RANBP17: variants seen among roughly 807,000 people sequenced by gnomAD.
RANBP17 encodes ran-binding protein 17.
A neutral mutation model predicts 141.2 loss-of-function variants in RANBP17; 158 were observed. That is an observed-to-expected ratio of 1.12 (90% CI 0.98 to 1.28). The LOEUF (loss-of-function observed/expected upper bound fraction) is 1.28. Among genes scored for constraint, RANBP17 ranks in the 50% most tolerant of loss-of-function variants. RANBP17 has a pLI of 0.00. For missense variants in RANBP17, 1,438 were observed against 1,290.7 expected (o/e 1.11, Z -1.75); for synonymous variants, 430 against 450.0 (o/e 0.96, Z 0.56).
Position 171,227,727 on chromosome 5 carries a change from G to C in RANBP17, c.2422+5887G>C, listed in dbSNP as rs369827633. On this transcript the variant is annotated intron_variant, in intron 22 of 27. Transcript: ENST00000523189. ...TGCTTGGCTTCAAAGGACAGACTGA[G>C]TCTCTTGTTAGGGGTTAATGCTGAC... Among the ~76,000 whole-genome samples, 250 of 152,314 alleles carry C rather than the reference G, an allele frequency of 1.6e-3. 9 individuals are homozygous for C. The South Asian group carries it at 0.039, about 24-fold the overall frequency.
intron 1 of RANBP17, among the ~76,000 whole-genome samples, chr5:170,873,416 A>G (rs752955886): frequency 1.3e-5 from 2 of 152,212 alleles, no homozygotes; most frequent in Non-Finnish European, 2.9e-5. Context: ...AGTTTCAGAA[A>G]GAATGGTATC....
At position 171,299,947 on chromosome 5, in the gene RANBP17, G is replaced by T. The variant is rs1464601099; in HGVS notation, c.*1089G>T. The T allele has an allele frequency of 5.1e-6, 1 of 196,302 alleles. No homozygotes were observed. The highest frequency in any genetic ancestry group is 8.0e-5 in the East Asian group (1 of 12,528). The allele number at this position is 196,302 out of a possible 1,614,324, so 12.2% of individuals were successfully genotyped here. A position where few individuals can be genotyped will look rare whatever the true frequency, so the allele number is the denominator to read the frequency against. On this transcript the variant is annotated 3_prime_UTR_variant, in exon 28 of 28. Transcript: ENST00000523189. ...AACAAATATTGTATCCTTTATTTCT[G>T]ATAAGACATGAAAGGTTGGCCTTAC...
intron 3 of RANBP17, among the ~76,000 whole-genome samples, chr5:170,891,953 A>G (rs894868677): frequency 2.6e-5 from 4 of 152,198 alleles, no homozygotes; most frequent in African/African-American, 9.7e-5. Flanking sequence ...TCCCTAATAT[A>G]TCAAATGCAT....
At chr5:171,113,958 CTAATT>C (rs1210950135) in intron 14 of RANBP17, among the ~76,000 whole-genome samples, 1 of 152,132 alleles carries the variant, frequency 6.6e-6, no homozygotes, top group Non-Finnish European at 1.5e-5. Flanking sequence ...CAGCACCACT[CTAATT>C]TAAAAAGGCT....
chr5:171,009,933 T>G (rs534768654), intron 14 of RANBP17, among the ~76,000 whole-genome samples: 22 of 152,300 alleles, frequency 1.4e-4, no homozygotes, highest in Non-Finnish European at 2.4e-4. Flanking sequence ...TTTATCTGAC[T>G]TATTCTTTAA....
intron 14 of RANBP17, among the ~76,000 whole-genome samples, chr5:171,084,289 A>G (rs1445578233): frequency 6.8e-6 from 1 of 146,854 alleles, no homozygotes; most frequent in African/African-American, 2.5e-5. Context: ...AAGGACATGA[A>G]CTCATCATTT....
intron 18 of RANBP17, among the ~76,000 whole-genome samples, chr5:171,188,286 C>G (rs17680273): frequency 0.068 from 10,354 of 152,290 alleles, 479 homozygotes; most frequent in African/African-American, 0.12. Context: ...TTAGGCAAGT[C>G]GGAGATGTAA....
intron 14 of RANBP17, among the ~76,000 whole-genome samples, chr5:171,093,185 G>A (rs1368141049): frequency 6.7e-6 from 1 of 149,426 alleles, no homozygotes; most frequent in African/African-American, 2.5e-5. Context: ...ACTCCAGACT[G>A]GACAATAGCA....
intron 24 of RANBP17, among the ~76,000 whole-genome samples, chr5:171,253,373 AAC>A (rs1418420335): frequency 6.6e-6 from 1 of 152,224 alleles, no homozygotes; most frequent in Non-Finnish European, 1.5e-5. Flanking sequence ...GATGATGTTG[AAC>A]ACACTGCATA....
At position 171,242,725 on chromosome 5, in the gene RANBP17, G is replaced by A. The variant is rs938062641; in HGVS notation, c.2681G>A (p.Cys894Tyr). The A allele has an allele frequency of 1.2e-6, 2 of 1,613,712 alleles. No homozygotes were observed. The highest frequency in any genetic ancestry group is 1.7e-5 in the Admixed American group (1 of 60,002). ...LSQSYYPLLE[C>Y]LTQDHMSFII... Reference sequence around the variant, plus strand: ...CAGTCTTATTATCCACTCCTGGAATGTCTCACTCAGGACCATATGAGCTTC... The same window carrying A: ...CAGTCTTATTATCCACTCCTGGAATATCTCACTCAGGACCATATGAGCTTC... The change falls in exon 24 of 28, where the codon TGT becomes TAT. Residue 894 changes from cysteine to tyrosine, a missense_variant. Transcript: ENST00000523189.
Position 171,211,964 on chromosome 5 carries a change from A to G in RANBP17, c.2232-1667A>G, listed in dbSNP as rs142742811. Among the ~76,000 whole-genome samples, 577 of 152,306 alleles carry G rather than the reference A, an allele frequency of 3.8e-3. 2 individuals are homozygous for G. The highest frequency in any genetic ancestry group is 0.013 in the African/African-American group (526 of 41,568). Reference sequence around the variant, plus strand: ...TTTATAGCAACAAGTATGTATTGAAATCTATTTTGTGTCAGGCCATGCATT... The same window carrying G: ...TTTATAGCAACAAGTATGTATTGAAGTCTATTTTGTGTCAGGCCATGCATT... On this transcript the variant is annotated intron_variant, in intron 20 of 27. Coordinates refer to ENST00000523189, the MANE Select transcript of RANBP17 (RefSeq NM_022897.5).
chr5:170,883,517 T>G (rs886378079), intron 3 of RANBP17, among the ~76,000 whole-genome samples: 6 of 152,246 alleles, frequency 3.9e-5, no homozygotes, highest in African/African-American at 1.2e-4. Flanking sequence ...TTGACAAATG[T>G]GTTAATACAA....
intron 2 of RANBP17, among the ~76,000 whole-genome samples, chr5:170,880,569 A>G (rs1581038706): frequency 1.3e-5 from 2 of 152,300 alleles, no homozygotes; most frequent in East Asian, 3.9e-4. Flanking sequence ...ATGATGAGAT[A>G]TCCAATTTTC....
At chr5:170,895,421 T>A (rs927014667) in intron 4 of RANBP17, among the ~76,000 whole-genome samples, 16 of 152,196 alleles carry the variant, frequency 1.1e-4, no homozygotes, top group African/African-American at 3.6e-4. Context: ...AAATTTGAGA[T>A]TAAATTGGAA....
intron 14 of RANBP17, among the ~76,000 whole-genome samples, chr5:171,064,022 A>C (rs147110079): frequency 8.5e-5 from 13 of 152,256 alleles, no homozygotes; most frequent in Admixed American, 4.6e-4. Flanking sequence ...GGAAAAGCGC[A>C]GTATTAGTGT....
chr5:170,964,995 C>A (rs10075689), intron 13 of RANBP17, among the ~76,000 whole-genome samples: 92,713 of 151,928 alleles, frequency 0.61, 29,667 homozygotes, highest in South Asian at 0.89. Flanking sequence ...AATGGTTGAA[C>A]TAGTTTACAG....
chr5:171,038,262 T>C (rs568118656), intron 14 of RANBP17, among the ~76,000 whole-genome samples: 1 of 152,172 alleles, frequency 6.6e-6, no homozygotes, highest in East Asian at 1.9e-4. Flanking sequence ...ATATTATTGG[T>C]ATATAGAAAT....
intron 14 of RANBP17, among the ~76,000 whole-genome samples, chr5:170,986,978 A>G (rs571516762): frequency 2.0e-5 from 3 of 151,956 alleles, no homozygotes; most frequent in African/African-American, 7.2e-5. Flanking sequence ...GTTTCATGGT[A>G]CTTGGATATA....
At chr5:170,889,708 G>A (rs1349282997) in intron 3 of RANBP17, among the ~76,000 whole-genome samples, 1 of 152,148 alleles carries the variant, frequency 6.6e-6, no homozygotes, top group East Asian at 1.9e-4. Flanking sequence ...GACCTCTAGT[G>A]TGTAGCTTTC....
Sources: allele counts gnomAD v4.1 joint callset (sites outside exome capture counted in the v4.1 genomes callset), GRCh38; gene constraint gnomAD v4.1.1; transcripts MANE v1.5; gene names NCBI Gene and HGNC (gene_info 2026-07-23, HGNC 2026-07-21).